The following TRAPPC13 variants were observed in gnomAD, a reference collection of about 807,000 sequenced individuals.
TRAPPC13 encodes the protein REV7-interacting novel NHEJ regulator 1.
Under a neutral mutation model 54.0 loss-of-function variants are expected in TRAPPC13, and 39 were observed. The observed-to-expected ratio is 0.72, with a 90% CI of 0.56 to 0.94. TRAPPC13 has a LOEUF of 0.94. TRAPPC13 is among the 40% of genes least tolerant of loss of function. TRAPPC13 has a pLI of 0.00. For synonymous variants in TRAPPC13, 148 were observed against 167.7 expected (o/e 0.88, Z 0.91); for missense variants, 386 against 488.1 (o/e 0.79, Z 1.97).
intron 4 of TRAPPC13, among the ~76,000 whole-genome samples, chr5:65,640,110 G>A (rs1755907455): frequency 6.6e-6 from 1 of 152,198 alleles, no homozygotes. Flanking sequence ...CATTAAATTA[G>A]GAGTTGACAA....
At chr5:65,650,637 T>A (rs1239128369) in intron 5 of TRAPPC13, among the ~76,000 whole-genome samples, 173 bp from the exon 6 acceptor site, 1 of 152,228 alleles carries the variant, frequency 6.6e-6, no homozygotes, top group Admixed American at 6.5e-5. Flanking sequence ...CAGAGCTTTG[T>A]TGTTCATGTA....
At chr5:65,640,741 G>T (rs1755933583) in intron 4 of TRAPPC13, among the ~76,000 whole-genome samples, 1 of 151,944 alleles carries the variant, frequency 6.6e-6, no homozygotes, top group African/African-American at 2.4e-5. Context: ...AAATAGCAAA[G>T]GCATATACTT....
chr5:65,658,844 C>G (rs1756747484), intron 9 of TRAPPC13, among the ~76,000 whole-genome samples: 3 of 151,962 alleles, frequency 2.0e-5, no homozygotes. Flanking sequence ...ATCAGCCTCC[C>G]AAGCTGCTGG....
At chr5:65,652,053 G>A (rs1160234111) in intron 6 of TRAPPC13, among the ~76,000 whole-genome samples, 1 of 151,564 alleles carries the variant, frequency 6.6e-6, no homozygotes, top group Non-Finnish European at 1.5e-5. Flanking sequence ...TAGTACAGAC[G>A]GGGTTTTGCC....
At chr5:65,646,944 A>T in intron 4 of TRAPPC13, 111 bp from the exon 5 acceptor site, 3 of 1,039,620 alleles carry the variant, frequency 2.9e-6, no homozygotes, top group Non-Finnish European at 4.1e-6. Flanking sequence ...TCCCCCTTTC[A>T]TCCTTCTTTC....
At chr5:65,661,367 A>G (rs1173402573) in intron 10 of TRAPPC13, 1 of 152,548 alleles carries the variant, frequency 6.6e-6, no homozygotes, top group Non-Finnish European at 1.5e-5. Flanking sequence ...TATTTTACCT[A>G]ATTTCTTCTC....
At chr5:65,657,853 T>C (rs1020520206) in intron 8 of TRAPPC13, 5 of 152,282 alleles carry the variant, frequency 3.3e-5, no homozygotes, top group African/African-American at 1.2e-4. Context: ...CAAATTGCTT[T>C]AATTTAAAAA....
intron 5 of TRAPPC13, among the ~76,000 whole-genome samples, chr5:65,647,696 A>T (rs1443466789): frequency 6.6e-6 from 1 of 152,026 alleles, no homozygotes; most frequent in Non-Finnish European, 1.5e-5. Context: ...CTGAGAGGCA[A>T]TATGAAAATT....
At chr5:65,632,128 C>T (rs891615940) in intron 1 of TRAPPC13, among the ~76,000 whole-genome samples, 2 of 151,790 alleles carry the variant, frequency 1.3e-5, no homozygotes, top group Non-Finnish European at 2.9e-5. Context: ...CGACAGTAGT[C>T]GCAGCCTCTT....
Position 65,664,889 on chromosome 5 carries a change from G to C in TRAPPC13, c.*278G>C. ...TGTTCTCCAAAAGCTGTGTATCTGA[G>C]ACCATTTGTCCCTAGCAAGTTATCT... On this transcript the variant is annotated 3_prime_UTR_variant, in exon 13 of 13. Transcript: ENST00000399438. The C allele has an allele frequency of 2.5e-6, 1 of 405,164 alleles. No individual in the cohort carries two copies. 25.1% of individuals were successfully genotyped at this position (405,164 alleles called of 1,614,324 possible).
Position 65,665,317 on chromosome 5 carries a change from G to GT in TRAPPC13, c.*712dup, listed in dbSNP as rs1757002354. The GT allele has an allele frequency of 6.6e-6, 1 of 152,162 alleles. No individual in the cohort carries two copies. Among genetic ancestry groups the GT allele is most frequent in the Non-Finnish European group, 1.5e-5 (1 of 68,032 alleles). The allele number at this position is 152,162 out of a possible 1,614,324, so 9.4% of individuals were successfully genotyped here. A position where few individuals can be genotyped will look rare whatever the true frequency, so the allele number is the denominator to read the frequency against. ...GTTAGAAATATTTCAGTTAACTCCA[G>GT]TTTTTTCCTAGCTATTCGGTCAGCA... On this transcript the variant is annotated 3_prime_UTR_variant, in exon 13 of 13. Transcript: ENST00000399438.
intron 1 of TRAPPC13, among the ~76,000 whole-genome samples, chr5:65,628,502 C>T (rs1755353911): frequency 1.3e-5 from 2 of 151,402 alleles, no homozygotes; most frequent in African/African-American, 4.9e-5. Flanking sequence ...CCCTGTCACC[C>T]AGGCTGGAGT....
intron 4 of TRAPPC13, among the ~76,000 whole-genome samples, chr5:65,640,870 A>G (rs1755938561): frequency 6.6e-6 from 1 of 152,054 alleles, no homozygotes; most frequent in Admixed American, 6.5e-5. Context: ...TGTAGTACTC[A>G]CTAGGGGTCT....
chr5:65,658,399 A>T lies in TRAPPC13; in HGVS notation c.596A>T (p.Gln199Leu). ...TDEVFLEAQI[Q>L]NMTTSPMFME... ...GAAGTATTTCTGGAAGCCCAGATTC[A>T]GAATATGACAACCTCACCTATGTTT... The change falls in exon 9 of 13, where the codon CAG (glutamine) becomes CTG (leucine). Residue 199 changes from glutamine (Q) to leucine (L), a missense_variant. Coordinates refer to ENST00000399438, the MANE Select transcript of TRAPPC13 (RefSeq NM_024941.4). The T allele has an allele frequency of 6.3e-7, 1 of 1,599,204 alleles. No homozygotes were observed.
intron 11 of TRAPPC13, 171 bp from the exon 12 acceptor site, chr5:65,664,066 T>C (rs1423877065): frequency 9.1e-6 from 6 of 658,206 alleles, no homozygotes; most frequent in Non-Finnish European, 1.3e-5. Context: ...TCCTTTCATC[T>C]TCCTGGTTCT....
chr5:65,646,484 A>G (rs892530238), intron 4 of TRAPPC13, among the ~76,000 whole-genome samples: 1 of 150,938 alleles, frequency 6.6e-6, no homozygotes, highest in Non-Finnish European at 1.5e-5. Flanking sequence ...TGATGCCTCA[A>G]ATTCCAGTCC....
intron 5 of TRAPPC13, among the ~76,000 whole-genome samples, chr5:65,649,393 T>G (rs891480135): frequency 1.3e-5 from 2 of 152,210 alleles, no homozygotes; most frequent in Non-Finnish European, 2.9e-5. Flanking sequence ...GAGAACACAT[T>G]AAGCATTTTT....
rs767628054 is a variant in TRAPPC13, at chr5:65,652,476, T to TG, written c.502-24dup. The TG allele has an allele frequency of 2.6e-6, 4 of 1,543,048 alleles. No homozygotes were observed. The South Asian group carries it at 4.5e-5, about 17-fold the overall frequency. On this transcript the variant is annotated intron_variant, in intron 6 of 12. Transcript: ENST00000399438. The stretch of plus-strand genomic sequence containing the variant: ...AAATGGTCACATGATAACAATCTCC[T>TG]GATTGATATGCTTTATTTAACCAGG...
At chr5:65,652,763 C>T (rs1046203171) in intron 7 of TRAPPC13, 4 of 573,906 alleles carry the variant, frequency 7.0e-6, no homozygotes, top group African/African-American at 1.9e-5. Flanking sequence ...TTTTTATTCT[C>T]GTTAATTTTA....
Sources: gnomAD v4.1 joint callset for allele counts (sites outside exome capture counted in the v4.1 genomes callset) on GRCh38, gnomAD v4.1.1 for gene constraint, MANE v1.5 for transcripts, NCBI Gene and HGNC (gene_info 2026-07-23, HGNC 2026-07-21) for gene names.